INVS: variants seen among roughly 807,000 people sequenced by gnomAD.
The protein encoded by INVS is inversin, also known as inversion of embryo turning homolog.
A neutral mutation model predicts 108.8 loss-of-function variants in INVS; 86 were observed. The observed-to-expected ratio is 0.79, with a 90% CI of 0.66 to 0.95. The LOEUF (loss-of-function observed/expected upper bound fraction) is 0.95. INVS is among the 40% of genes least tolerant of loss of function. The pLI, the probability that INVS is intolerant of heterozygous loss-of-function variation, is 0.00. For missense variants in INVS, 1,169 were observed against 1,297.4 expected (o/e 0.90, Z 1.52); for synonymous variants, 455 against 473.5 (o/e 0.96, Z 0.51).
Position 100,161,069 on chromosome 9 carries a change from G to C in INVS, c.273+34520G>C, listed in dbSNP as rs190267325. 1.8e-3 allele frequency among the ~76,000 whole-genome samples: 272 copies of C among 150,252 alleles called. 1 individual carries two copies. The highest frequency in any genetic ancestry group is 6.3e-3 in the African/African-American group (259 of 40,944). On this transcript the variant is annotated intron_variant, in intron 3 of 16. Transcript: ENST00000262457. ...TTAGTCTAGGCAGTTGTCTTCTTATGACAAAAATTTCATAAATTGGCTGGG... is the reference window on the plus strand; with the variant it reads ...TTAGTCTAGGCAGTTGTCTTCTTATCACAAAAATTTCATAAATTGGCTGGG...
chr9:100,184,620 A>T (rs762479165), intron 3 of INVS, among the ~76,000 whole-genome samples: 8 of 152,174 alleles, frequency 5.3e-5, no homozygotes, highest in Non-Finnish European at 1.0e-4. Context: ...CTGTTACTAC[A>T]GTTCTTGAAA....
intron 3 of INVS, among the ~76,000 whole-genome samples, chr9:100,217,173 G>A (rs1448231382): frequency 6.6e-6 from 1 of 152,064 alleles, no homozygotes; most frequent in Non-Finnish European, 1.5e-5. Flanking sequence ...GCCAGGCATG[G>A]GGGCACACAC....
intron 3 of INVS, among the ~76,000 whole-genome samples, chr9:100,140,364 G>A (rs74909553): frequency 6.6e-6 from 1 of 152,126 alleles, no homozygotes; most frequent in Non-Finnish European, 1.5e-5. Context: ...TTGTTCTCTG[G>A]CGGGCAGGAG....
intron 5 of INVS, among the ~76,000 whole-genome samples, chr9:100,237,669 C>T (rs548517656): frequency 3.3e-5 from 5 of 152,272 alleles, no homozygotes; most frequent in South Asian, 2.1e-4. Flanking sequence ...TTCTGCTCAC[C>T]GTCTGTGGGC....
chr9:100,300,341 A>G (rs1833926246), intron 16 of INVS, among the ~76,000 whole-genome samples: 1 of 152,156 alleles, frequency 6.6e-6, no homozygotes, highest in Non-Finnish European at 1.5e-5. Context: ...CAGCTCCCCA[A>G]GTGCCTGCTC....
intron 3 of INVS, among the ~76,000 whole-genome samples, chr9:100,173,208 T>A (rs1275524365): frequency 6.6e-6 from 1 of 152,088 alleles, no homozygotes; most frequent in African/African-American, 2.4e-5. Context: ...CTGAACAAAA[T>A]ATAAAAACAA....
intron 3 of INVS, among the ~76,000 whole-genome samples, chr9:100,217,884 A>G (rs1168579252): frequency 6.6e-6 from 1 of 152,174 alleles, no homozygotes; most frequent in Non-Finnish European, 1.5e-5. Context: ...ACCACTACAG[A>G]AAAGTTTGAT....
chr9:100,258,063 GTCTTTTCACATAGACCCATA>G (rs1431016997), intron 10 of INVS, among the ~76,000 whole-genome samples: 1 of 151,962 alleles, frequency 6.6e-6, no homozygotes, highest in Non-Finnish European at 1.5e-5. Context: ...TGTAGATTTG[GTCTTTTCACATAGACCCATA>G]TTTCTTGGAG....
chr9:100,256,282 G>A (rs1832417666), intron 10 of INVS, among the ~76,000 whole-genome samples: 1 of 151,694 alleles, frequency 6.6e-6, no homozygotes, highest in African/African-American at 2.4e-5. Flanking sequence ...ATTTTTTATT[G>A]CATCTATTTG....
intron 2 of INVS, among the ~76,000 whole-genome samples, chr9:100,124,388 G>A (rs2118888580): frequency 6.6e-6 from 1 of 151,752 alleles, no homozygotes; most frequent in East Asian, 1.9e-4. Flanking sequence ...ATACAGCAAG[G>A]TTATCTTTGC....
chr9:100,265,222 C>T (rs531564064), intron 11 of INVS, among the ~76,000 whole-genome samples: 4 of 151,988 alleles, frequency 2.6e-5, no homozygotes, highest in Non-Finnish European at 4.4e-5. Flanking sequence ...GGATTATAGG[C>T]GTGAGCTACC....
chr9:100,161,154 T>C (rs1393955229), intron 3 of INVS, among the ~76,000 whole-genome samples: 1 of 151,330 alleles, frequency 6.6e-6, no homozygotes, highest in Non-Finnish European at 1.5e-5. Flanking sequence ...GTTGGGGGGA[T>C]CACCTGCAAT....
chr9:100,197,828 A>C (rs753075670), intron 3 of INVS, among the ~76,000 whole-genome samples: 14 of 152,156 alleles, frequency 9.2e-5, no homozygotes, highest in Non-Finnish European at 1.8e-4. Context: ...TAGGTCAGAG[A>C]ATTTCTTTAT....
intron 3 of INVS, among the ~76,000 whole-genome samples, chr9:100,191,996 G>A (rs1191711229): frequency 6.6e-6 from 1 of 152,136 alleles, no homozygotes; most frequent in South Asian, 2.1e-4. Flanking sequence ...TTTCTCAGAT[G>A]CTGTTTGTAG....
intron 5 of INVS, among the ~76,000 whole-genome samples, chr9:100,234,338 G>T (rs377288009): frequency 2.3e-3 from 347 of 152,070 alleles, no homozygotes; most frequent in Non-Finnish European, 3.7e-3. Context: ...TGATTTTTTT[G>T]AAGGATTTCT....
At chr9:100,151,895 A>C (rs1448592418) in intron 3 of INVS, among the ~76,000 whole-genome samples, 3 of 152,218 alleles carry the variant, frequency 2.0e-5, no homozygotes, top group Admixed American at 6.5e-5. Flanking sequence ...ATAACTGTTG[A>C]CATTTTAGCA....
chr9:100,198,264 A>AGTT (rs1830435951), intron 3 of INVS, among the ~76,000 whole-genome samples: 1 of 65,216 alleles, frequency 1.5e-5, no homozygotes, highest in South Asian at 6.1e-4. Context: ...GAGGGCTAGA[A>AGTT]TTTTTTTTTT....
At chr9:100,113,331 G>A (rs991378598) in intron 2 of INVS, among the ~76,000 whole-genome samples, 2 of 152,160 alleles carry the variant, frequency 1.3e-5, no homozygotes, top group Admixed American at 6.5e-5. Context: ...AAGAATATCT[G>A]CCTCCTCTAG....
At chr9:100,202,087 C>A (rs1014640528) in intron 3 of INVS, among the ~76,000 whole-genome samples, 1 of 132,078 alleles carries the variant, frequency 7.6e-6, no homozygotes, top group African/African-American at 3.0e-5. Flanking sequence ...GCAGTTATTA[C>A]AATAGTTTTT....
Sources: gnomAD v4.1 joint callset for allele counts (sites outside exome capture counted in the v4.1 genomes callset) on GRCh38, gnomAD v4.1.1 for gene constraint, MANE v1.5 for transcripts, NCBI Gene and HGNC (gene_info 2026-07-23, HGNC 2026-07-21) for gene names.